TEX11: variants seen among roughly 807,000 people sequenced by gnomAD.
TEX11 encodes the protein testis expressed 11.
A neutral mutation model predicts 84.4 loss-of-function variants in TEX11; 7 were observed. The ratio of observed to expected loss-of-function variants is 0.08; its 90% CI spans 0.05 to 0.16. The LOEUF (loss-of-function observed/expected upper bound fraction) is 0.16, where lower values mean the gene tolerates loss of function less well. TEX11 is among the 10% of genes least tolerant of loss of function. The probability of loss-of-function intolerance (pLI) is 1.00; values close to 1 mark genes in which losing one functional copy is unlikely to be tolerated. For synonymous variants in TEX11, 264 were observed against 222.8 expected, an observed-to-expected ratio of 1.18 and a Z score of -1.64; for missense variants, 551 against 660.5, an observed-to-expected ratio of 0.83 and a Z score of 1.82.
chrX:70,800,214 G>A (rs779760419), intron 9 of TEX11, among the ~76,000 whole-genome samples: 12 of 110,975 alleles, frequency 1.1e-4, no homozygotes, highest in African/African-American at 2.9e-4. Flanking sequence ...ACACAAAGAA[G>A]AGAACAATAG....
intron 15 of TEX11, among the ~76,000 whole-genome samples, chrX:70,672,203 A>G (rs185100731): frequency 3.6e-5 from 4 of 110,249 alleles, no homozygotes; most frequent in African/African-American, 9.9e-5. Context: ...ATTCCTTTTC[A>G]TTGCTGAGTA....
chrX:70,550,167 G>T (rs1347268553), intron 28 of TEX11, among the ~76,000 whole-genome samples: 1 of 112,741 alleles, frequency 8.9e-6, no homozygotes, highest in Non-Finnish European at 1.9e-5. Flanking sequence ...AATAAATGGT[G>T]CTGGGAAAAC....
chrX:70,827,846 C>G (rs2147827923), intron 8 of TEX11, among the ~76,000 whole-genome samples: 1 of 112,016 alleles, frequency 8.9e-6, no homozygotes, highest in African/African-American at 3.2e-5. Context: ...TGGGCAAGGT[C>G]CAGTGCTGTG....
chrX:70,720,378 A>C (rs2090548078), intron 13 of TEX11, among the ~76,000 whole-genome samples: 1 of 110,544 alleles, frequency 9.0e-6, no homozygotes, highest in African/African-American at 3.3e-5. Flanking sequence ...ATGGGGTGGG[A>C]GAAGGGGGTA....
intron 11 of TEX11, among the ~76,000 whole-genome samples, chrX:70,736,170 G>A (rs1237445188): frequency 9.0e-6 from 1 of 111,249 alleles, no homozygotes; most frequent in Non-Finnish European, 1.9e-5. Context: ...TGCTTTTGGT[G>A]TAGTATCTAA....
intron 8 of TEX11, among the ~76,000 whole-genome samples, chrX:70,811,031 A>T (rs1301682107): frequency 9.0e-6 from 1 of 111,420 alleles, no homozygotes; most frequent in Non-Finnish European, 1.9e-5. Context: ...ATTTTTTAAA[A>T]TTTTTTTATT....
At chrX:70,761,569 A>T (rs2090909427) in intron 9 of TEX11, among the ~76,000 whole-genome samples, 1 of 111,891 alleles carries the variant, frequency 8.9e-6, no homozygotes, top group African/African-American at 3.2e-5. Flanking sequence ...ATGAGAACAC[A>T]TGGACACAGG....
At chrX:70,847,088 C>T (rs756976522) in intron 7 of TEX11, among the ~76,000 whole-genome samples, 6 of 110,949 alleles carry the variant, frequency 5.4e-5, no homozygotes, top group Middle Eastern at 4.7e-3. Flanking sequence ...TGGCATTGTT[C>T]GAAAGAGTCT....
chrX:70,521,074 C>T, the TEX11 span, among the ~76,000 whole-genome samples: 1 of 111,585 alleles, frequency 9.0e-6, no homozygotes. Context: ...GGGAAATCCC[C>T]TGACCCCTTG....
At chrX:70,873,429 C>T in intron 3 of TEX11, 122 bp from the exon 4 acceptor site, 6 of 488,841 alleles carry the variant, frequency 1.2e-5, no homozygotes, top group Non-Finnish European at 2.1e-5. Context: ...CCTCCATAAT[C>T]TAGTCGCATT....
At chrX:70,750,941 T>A (rs1484869931) in intron 9 of TEX11, among the ~76,000 whole-genome samples, 680 of 61,744 alleles carry the variant, frequency 0.011, 19 homozygotes, top group African/African-American at 0.05. Context: ...AAAATATATA[T>A]ATATATATAT....
chrX:70,842,836 T>C (rs2091454957), intron 7 of TEX11, among the ~76,000 whole-genome samples: 1 of 111,148 alleles, frequency 9.0e-6, no homozygotes, highest in African/African-American at 3.3e-5. Context: ...TATACACCAA[T>C]AACAGACAAC....
intron 9 of TEX11, among the ~76,000 whole-genome samples, chrX:70,750,566 A>G (rs1157328975): frequency 1.8e-5 from 2 of 108,395 alleles, no homozygotes; most frequent in East Asian, 5.8e-4. Context: ...TGTGGCACAT[A>G]TACACCATGG....
intron 13 of TEX11, 115 bp downstream of exon 13, chrX:70,722,502 TG>T: frequency 1.9e-6 from 1 of 530,942 alleles, no homozygotes; most frequent in Non-Finnish European, 3.1e-6. Flanking sequence ...CTCAAGCTCC[TG>T]GGCTCAAGGG....
intron 28 of TEX11, among the ~76,000 whole-genome samples, chrX:70,539,038 A>ATATATATATTTTT: frequency 0.13 from 5,205 of 41,124 alleles, 613 homozygotes; most frequent in South Asian, 0.25. Flanking sequence ...ATATATATAT[A>ATATATATATTTTT]TTTTTTTTTT....
chrX:70,782,609 T>C, intron 9 of TEX11, among the ~76,000 whole-genome samples: 1 of 31,700 alleles, frequency 3.2e-5, no homozygotes, highest in South Asian at 1.7e-3. Context: ...GCTCAAAATT[T>C]AAAAATAGAG....
At chrX:70,719,917 T>C (rs1471470859) in intron 13 of TEX11, among the ~76,000 whole-genome samples, 1 of 111,460 alleles carries the variant, frequency 9.0e-6, no homozygotes, top group Non-Finnish European at 1.9e-5. Context: ...TTTACACTGT[T>C]GGTGGGACTG....
intron 13 of TEX11, among the ~76,000 whole-genome samples, chrX:70,696,004 T>C (rs1199487366): frequency 8.9e-6 from 1 of 112,060 alleles, no homozygotes; most frequent in East Asian, 2.8e-4. Flanking sequence ...TCTAGTTTAA[T>C]AATAATGATC....
intron 4 of TEX11, among the ~76,000 whole-genome samples, chrX:70,868,281 C>T (rs993787733): frequency 8.9e-6 from 1 of 112,136 alleles, no homozygotes; most frequent in Non-Finnish European, 1.9e-5. Flanking sequence ...TAAAAAAGCT[C>T]ATCATCACTG....
Sources: allele counts gnomAD v4.1 joint callset (sites outside exome capture counted in the v4.1 genomes callset), GRCh38; gene constraint gnomAD v4.1.1; transcripts MANE v1.5; gene names NCBI Gene and HGNC (gene_info 2026-07-23, HGNC 2026-07-21).